The following SLIT3 variants were observed in gnomAD, a reference collection of about 807,000 sequenced individuals.
SLIT3 encodes the protein slit guidance ligand 3.
Under a neutral mutation model 184.0 loss-of-function variants are expected in SLIT3, and 68 were observed. The ratio of observed to expected loss-of-function variants is 0.37; its 90% CI spans 0.30 to 0.45. The LOEUF is 0.45. SLIT3 is among the 20% of genes least tolerant of loss of function. The probability of loss-of-function intolerance (pLI) is 1.00; values close to 1 mark genes in which losing one functional copy is unlikely to be tolerated. For missense variants in SLIT3, 1,707 were observed against 2,026.0 expected (o/e 0.84, Z 3.02); for synonymous variants, 831 against 828.6 (o/e 1.00, Z -0.05).
At chr5:169,077,179 G>C (rs1157722821) in intron 4 of SLIT3, among the ~76,000 whole-genome samples, 1 of 152,152 alleles carries the variant, frequency 6.6e-6, no homozygotes, top group African/African-American at 2.4e-5. Flanking sequence ...TTAATGAATT[G>C]TAAGTATATT....
rs918155963 is a variant in SLIT3 at position 168,662,763 on chromosome 5, G to T, written c.*3691C>A. On this transcript the variant is annotated 3_prime_UTR_variant, in exon 36 of 36. Coordinates refer to ENST00000519560, the MANE Select transcript of SLIT3 (RefSeq NM_003062.4). ...CCTTTCCTGAATCCTGCTCAGGGGG[G>T]ACACAGCTTGAGCGGCCTCTTCTGC... 2 of 152,210 alleles carry T rather than the reference G, an allele frequency of 1.3e-5. No homozygotes were observed. The highest frequency in any genetic ancestry group is 4.8e-5 in the African/African-American group (2 of 41,448). The allele number at this position is 152,210 out of a possible 1,614,324, so 9.4% of individuals were successfully genotyped here. A position where few individuals can be genotyped will look rare whatever the true frequency, so the allele number is the denominator to read the frequency against.
intron 6 of SLIT3, among the ~76,000 whole-genome samples, chr5:168,828,334 A>C (rs1452481205): frequency 6.6e-6 from 1 of 152,096 alleles, no homozygotes; most frequent in Non-Finnish European, 1.5e-5. Flanking sequence ...AGTGGTTCTC[A>C]AAATGTGGTC....
chr5:168,808,842 G>A (rs1757074453), intron 8 of SLIT3, among the ~76,000 whole-genome samples: 1 of 152,198 alleles, frequency 6.6e-6, no homozygotes, highest in South Asian at 2.1e-4. Context: ...ATGTCAGGGT[G>A]TTTGAAGTAC....
chr5:168,935,381 C>T (rs888373192), intron 4 of SLIT3, among the ~76,000 whole-genome samples: 25 of 152,264 alleles, frequency 1.6e-4, no homozygotes, highest in African/African-American at 4.8e-4. Flanking sequence ...CCTTCCCTGA[C>T]TTCATCAGCC....
intron 4 of SLIT3, among the ~76,000 whole-genome samples, chr5:169,006,500 G>A (rs1160865312): frequency 2.6e-5 from 4 of 151,986 alleles, no homozygotes; most frequent in African/African-American, 9.7e-5. Context: ...GGGACCAAGA[G>A]GGTTTTGTTT....
Position 168,666,235 on chromosome 5 carries a change from G to GTGTAATATATTTATATAA in SLIT3, c.*201_*218dup. On this transcript the variant is annotated 3_prime_UTR_variant, in exon 36 of 36. Transcript: ENST00000519560. The stretch of plus-strand genomic sequence containing the variant: ...ACTATATGGTACATATACGCAGATG[G>GTGTAATATATTTATATAA]TGTAATATATTTATATAATAAAAGA... The GTGTAATATATTTATATAA allele has an allele frequency of 2.2e-6, 1 of 444,526 alleles. No homozygotes were observed. Among genetic ancestry groups the GTGTAATATATTTATATAA allele is most frequent in the Non-Finnish European group, 3.9e-6 (1 of 255,250 alleles). 27.5% of individuals were successfully genotyped at this position (444,526 alleles called of 1,614,324 possible). A position where few individuals can be genotyped will look rare whatever the true frequency, so the allele number is the denominator to read the frequency against.
At chr5:169,219,249 G>T (rs2113528004) in intron 3 of SLIT3, among the ~76,000 whole-genome samples, 1 of 152,318 alleles carries the variant, frequency 6.6e-6, no homozygotes, top group East Asian at 1.9e-4. Flanking sequence ...CTGCTGACAG[G>T]CAGAATAAGG....
intron 1 of SLIT3, among the ~76,000 whole-genome samples, chr5:169,275,041 C>A (rs1190356298): frequency 6.6e-6 from 1 of 152,226 alleles, no homozygotes; most frequent in East Asian, 1.9e-4. Context: ...TTAACCTCTG[C>A]AGAATTAGCC....
intron 4 of SLIT3, among the ~76,000 whole-genome samples, chr5:169,065,379 C>A (rs1284630272): frequency 6.6e-6 from 1 of 152,150 alleles, no homozygotes; most frequent in Non-Finnish European, 1.5e-5. Context: ...AATATGGAAG[C>A]CATCACACAG....
intron 11 of SLIT3, among the ~76,000 whole-genome samples, chr5:168,787,439 T>C (rs1015898115): frequency 1.3e-5 from 2 of 152,210 alleles, no homozygotes; most frequent in African/African-American, 4.8e-5. Context: ...TGTACCCCTG[T>C]CTGGCTTCCC....
At position 168,684,060 on chromosome 5, in the gene SLIT3, T is replaced by C; in HGVS notation, c.3592A>G (p.Lys1198Glu). The C allele has an allele frequency of 2.5e-6, 4 of 1,607,782 alleles. No individual in the cohort carries two copies. The highest frequency in any genetic ancestry group is 3.4e-6 in the Non-Finnish European group (4 of 1,176,778). ...TDKDNGILLY[K>E]GDNDPLALEL... ...AGTGCCAGGGGGTCATTGTCTCCTT[T>C]GTAGAGAAGGATGCCGTTGTCCTTG... The change falls in exon 32 of 36, where the codon AAA becomes GAA. Residue 1198 changes from lysine (K) to glutamate (E), a missense_variant. Transcript: ENST00000519560.
chr5:168,794,836 C>A (rs2113601618), intron 10 of SLIT3, among the ~76,000 whole-genome samples: 1 of 152,312 alleles, frequency 6.6e-6, no homozygotes, highest in South Asian at 2.1e-4. Flanking sequence ...CTGCCTGGGA[C>A]AGTCTTTCCT....
rs563651100 is a variant in SLIT3, at chr5:168,801,477, T to C, written c.935+4969A>G. On this transcript the variant is annotated intron_variant, in intron 9 of 35. Coordinates refer to ENST00000519560, the MANE Select transcript of SLIT3 (RefSeq NM_003062.4). ...CCTGCCAGATGCTCTCACTTGTGAC[T>C]GGACACGGAAGCCTGTCCATAGCCC... Among the ~76,000 whole-genome samples, 11 of 152,328 alleles carry C rather than the reference T, an allele frequency of 7.2e-5. No individual in the cohort carries two copies. The East Asian group carries it at 1.5e-3, about 21-fold the overall frequency.
intron 16 of SLIT3, among the ~76,000 whole-genome samples, chr5:168,759,637 C>T (rs924120309): frequency 2.6e-5 from 4 of 152,300 alleles, no homozygotes; most frequent in Middle Eastern, 3.4e-3. Context: ...AGCGTGGCCT[C>T]GCTCGACCCC....
chr5:168,903,905 C>T (rs1012706761), intron 4 of SLIT3, among the ~76,000 whole-genome samples: 7 of 152,292 alleles, frequency 4.6e-5, no homozygotes, highest in African/African-American at 1.7e-4. Context: ...CACACTGAAG[C>T]TTCTCTGATC....
At chr5:168,692,071 T>A (rs1330479681) in intron 29 of SLIT3, among the ~76,000 whole-genome samples, 1 of 152,160 alleles carries the variant, frequency 6.6e-6, no homozygotes, top group Non-Finnish European at 1.5e-5. Context: ...CTGCTCACCA[T>A]GGAGACAGCT....
At chr5:168,974,599 C>T (rs752415984) in intron 4 of SLIT3, among the ~76,000 whole-genome samples, 7 of 152,136 alleles carry the variant, frequency 4.6e-5, no homozygotes, top group South Asian at 2.1e-4. Flanking sequence ...TTCTAAGATC[C>T]GTAGAACTTT....
chr5:168,859,349 C>T (rs777343925), intron 5 of SLIT3, among the ~76,000 whole-genome samples: 8 of 151,974 alleles, frequency 5.3e-5, no homozygotes, highest in Non-Finnish European at 8.8e-5. Flanking sequence ...CCAGGGTTCA[C>T]GATGGTTATG....
chr5:169,042,232 CCCTACACATTAGAAAA>C (rs1317489333), intron 4 of SLIT3, among the ~76,000 whole-genome samples: 4 of 152,118 alleles, frequency 2.6e-5, no homozygotes, highest in African/African-American at 9.7e-5. Flanking sequence ...ACTTTAATCA[CCCTACACATTAGAAAA>C]AAGTCCTGAG....
Sources: allele counts gnomAD v4.1 joint callset (sites outside exome capture counted in the v4.1 genomes callset), GRCh38; gene constraint gnomAD v4.1.1; transcripts MANE v1.5; gene names NCBI Gene and HGNC (gene_info 2026-07-23, HGNC 2026-07-21).